The following DPEP3 variants were observed in gnomAD, a reference collection of about 807,000 sequenced individuals.
DPEP3 encodes the protein dipeptidase 3.
A neutral mutation model predicts 47.5 loss-of-function variants in DPEP3; 42 were observed. The observed-to-expected ratio is 0.88, with a 90% CI of 0.69 to 1.14. The LOEUF (loss-of-function observed/expected upper bound fraction) is 1.14, where lower values mean the gene tolerates loss of function less well. Among genes scored for constraint, DPEP3 ranks in the 50% most tolerant of loss-of-function variants. The probability of loss-of-function intolerance (pLI) is 0.00; values close to 1 mark genes in which losing one functional copy is unlikely to be tolerated. For missense variants in DPEP3, 560 were observed against 635.0 expected (o/e 0.88, Z 1.27); for synonymous variants, 276 against 270.2 (o/e 1.02, Z -0.21).
chr16:67,977,272 G>A lies in DPEP3; in HGVS notation c.1016C>T (p.Ala339Val). 1.2e-6 allele frequency: 2 copies of A among 1,613,672 alleles called. No individual in the cohort carries two copies. Among genetic ancestry groups the A allele is most frequent in the Non-Finnish European group, 1.7e-6 (2 of 1,179,778 alleles). The stretch of plus-strand genomic sequence containing the variant: ...CACAAAGCTGAGGTGGGACTTACCT[G>A]CCACAGTGGACACGTTAGCAAGCAG... The part of the protein sequence containing the change: ...CNLLANVSTV[A>V]DHFDHIRAVI... The change falls in exon 7 of 10, where the codon GCA becomes GTA. Residue 339 changes from alanine (A) to valine (V), a missense_variant and splice_region_variant. Ala to Val is a moderately conservative substitution (Grantham distance 64). Coordinates refer to ENST00000268793, the MANE Select transcript of DPEP3 (RefSeq NM_001370198.1).
At position 67,978,375 on chromosome 16, in the gene DPEP3, A is replaced by G; in HGVS notation, c.578T>C (p.Ile193Thr). The G allele has an allele frequency of 1.2e-6, 2 of 1,614,084 alleles. No homozygotes were observed. The highest frequency in any genetic ancestry group is 1.7e-6 in the Non-Finnish European group (2 of 1,179,926). ...LNSSQKLACL[I>T]GVEGGHSLDS... Reference sequence around the variant, plus strand: ...CAGTGAGTGACCACCCTCCACGCCAATGAGGCAGGCCAGCTTTTGAGAGCT... The same window carrying G: ...CAGTGAGTGACCACCCTCCACGCCAGTGAGGCAGGCCAGCTTTTGAGAGCT... The change falls in exon 4 of 10, where the codon ATT (isoleucine) becomes ACT (threonine). Residue 193 changes from isoleucine to threonine, a missense_variant. Physicochemically the swap from Ile to Thr is moderately conservative, Grantham distance 89. Coordinates refer to ENST00000268793, the MANE Select transcript of DPEP3 (RefSeq NM_001370198.1). This position sits in a 1 kb window ranked among gnomAD's most constrained non-coding sequence, Gnocchi z 4.4.
In DPEP3 at chr16:67,980,332, G is replaced by A. The variant is rs1404990841; in HGVS notation, c.49C>T (p.Leu17=). The A allele has an allele frequency of 1.3e-6, 2 of 1,553,450 alleles. No homozygotes were observed. ...AGTAGCAGGAGCAGCAGACGCCGCA[G>A]ATACCGCCGGCTGAGCGCGCGGGAA... ...EGSRALSRRY[L]RRLLLLLLLL... is the part of the protein sequence containing the mutation. Residue 17 remains leucine, a synonymous_variant, in exon 1 of 10, where the codon CTG becomes TTG. Coordinates refer to ENST00000268793, the MANE Select transcript of DPEP3 (RefSeq NM_001370198.1).
At chr16:67,979,533 C>T in intron 2 of DPEP3, 106 bp downstream of exon 2, 1 of 1,512,864 alleles carries the variant, frequency 6.6e-7, no homozygotes, top group South Asian at 1.3e-5. Context: ...TGGCACACTG[C>T]ATGCCCCATT....
rs1240617249 is a variant in DPEP3 at position 67,978,316 on chromosome 16, C to T, written c.637G>A (p.Val213Met). 2 of 1,614,186 alleles carry T rather than the reference C, an allele frequency of 1.2e-6. No homozygotes were observed. The highest frequency in any genetic ancestry group is 2.2e-5 in the South Asian group (2 of 91,086). Residue 213 changes from valine (V) to methionine (M), a missense_variant, in exon 4 of 10, where the codon GTG becomes ATG. Val to Met is a conservative substitution (Grantham distance 21). Transcript: ENST00000268793. The surrounding 1 kb of genome is among the most constrained non-coding windows in gnomAD (Gnocchi z 4.4). ...AGTGTCAGGTAGCGCACCCCCAGCA[C>T]ATAGAAACTGCGCAGCACAGAGAGG... is the stretch of plus-strand genomic sequence containing the variant. ...SSLSVLRSFYVLGVRYLTLTF... is the reference protein window; with the variant it reads ...SSLSVLRSFYMLGVRYLTLTF...
intron 2 of DPEP3, 76 bp downstream of exon 2, chr16:67,979,563 C>A: frequency 6.3e-7 from 1 of 1,588,922 alleles, no homozygotes; most frequent in South Asian, 1.1e-5. Context: ...CACCCAGAGG[C>A]TGGCTGACCC....
chr16:67,979,956 G>T, intron 1 of DPEP3, 138 bp downstream of exon 1: 1 of 1,370,728 alleles, frequency 7.3e-7, no homozygotes, highest in Non-Finnish European at 9.9e-7. Context: ...GGGCACCCAT[G>T]GGTGATGGAG....
At chr16:67,976,951 T>A (rs557279847) in intron 7 of DPEP3, among the ~76,000 whole-genome samples, 176 bp from the exon 8 acceptor site, 22 of 152,254 alleles carry the variant, frequency 1.4e-4, no homozygotes, top group Admixed American at 1.4e-3. Context: ...GAGCCACCCC[T>A]TTGGGACTTT....
Position 67,979,707 on chromosome 16 carries a change from T to G in DPEP3, c.346A>C (p.Asn116His). Residue 116 changes from asparagine to histidine, a missense_variant, in exon 2 of 10, where the codon AAC (asparagine) becomes CAC (histidine). Transcript: ENST00000268793. ...TGACCATGGCTGAAATTTCGCAGGT[T>G]AACATCCTGAAGCACATTCTTGTAA... Reference protein sequence around the residue: ...QRYKNVLQDVNLRNFSHGQTS... With the variant: ...QRYKNVLQDVHLRNFSHGQTS... 2 of 1,614,162 alleles carry G rather than the reference T, an allele frequency of 1.2e-6. No individual in the cohort carries two copies. The highest frequency in any genetic ancestry group is 2.7e-5 in the African/African-American group (2 of 75,060).
At position 67,978,170 on chromosome 16, in the gene DPEP3, G is replaced by A. The variant is rs2031242103; in HGVS notation, c.686+97C>T. ...ACTGGGTGTCCAGCCTCCCTCTGCG[G>A]ACCCCTTCATCCTCAACGGCTTGGT... On this transcript the variant is annotated intron_variant, in intron 4 of 9. Transcript: ENST00000268793. The surrounding 1 kb of genome is among the most constrained non-coding windows in gnomAD (Gnocchi z 4.4). 2 of 1,597,096 alleles carry A rather than the reference G, an allele frequency of 1.3e-6. No homozygotes were observed. The highest frequency in any genetic ancestry group is 2.2e-5 in the South Asian group (2 of 89,938).
chr16:67,976,311 C>T, intron 8 of DPEP3, 83 bp from the exon 9 acceptor site: 1 of 1,561,554 alleles, frequency 6.4e-7, no homozygotes, highest in Non-Finnish European at 8.7e-7. Context: ...CCTAGTCACA[C>T]AGGGGAAACT....
Position 67,978,698 on chromosome 16 carries a change from T to A in DPEP3, c.415-72A>T, listed in dbSNP as rs1003013044. ...ACCCCCTAGGCCTGCCACTCCTGCCTCAGACCCCATAACACCCATTTGGGT... is the reference window on the plus strand; with the variant it reads ...ACCCCCTAGGCCTGCCACTCCTGCCACAGACCCCATAACACCCATTTGGGT... On this transcript the variant is annotated intron_variant, in intron 2 of 9. Coordinates refer to ENST00000268793, the MANE Select transcript of DPEP3 (RefSeq NM_001370198.1). The surrounding 1 kb of genome is among the most constrained non-coding windows in gnomAD (Gnocchi z 4.4). 6.9e-6 allele frequency: 11 copies of A among 1,583,656 alleles called. No homozygotes were observed. The highest frequency in any genetic ancestry group is 7.7e-6 in the Non-Finnish European group (9 of 1,162,662).
Position 67,980,129 on chromosome 16 carries a change from C to T in DPEP3, c.252G>A (p.Ala84=). The T allele has an allele frequency of 6.2e-7, 1 of 1,612,522 alleles. No homozygotes were observed. The highest frequency in any genetic ancestry group is 8.5e-7 in the Non-Finnish European group (1 of 1,179,352). The change falls in exon 1 of 10, where the codon GCG becomes GCA. Residue 84 remains alanine (A), a synonymous_variant. Transcript: ENST00000268793. ...GTGGGAAACTCCGCATCAGGGCCTG[C>T]GCGCGACCCCGAAGGTCCAGGGTTT... The part of the protein sequence containing the change: ...TPKTLDLRGR[A]QALMRSFPLV...
rs191732728 is a variant in DPEP3, at chr16:67,978,879, C to A, written c.415-253G>T. On this transcript the variant is annotated intron_variant, in intron 2 of 9. Coordinates refer to ENST00000268793, the MANE Select transcript of DPEP3 (RefSeq NM_001370198.1). The surrounding 1 kb of genome is among the most constrained non-coding windows in gnomAD (Gnocchi z 4.4). ...TGATCATGGCTCACTGCAGCCTTGA[C>A]CCCCCAGGCTCAAACAATCCTCCTG... Among the ~76,000 whole-genome samples the A allele has an allele frequency of 6.6e-6, 1 of 151,998 alleles. No homozygotes were observed. The highest frequency in any genetic ancestry group is 6.6e-5 in the Admixed American group (1 of 15,248).
chr16:67,977,233 C>T (rs1460122847), intron 7 of DPEP3, 37 bp downstream of exon 7: 1 of 1,601,722 alleles, frequency 6.2e-7, no homozygotes, highest in Admixed American at 1.7e-5. Context: ...CAGCCACAGC[C>T]CAAGCCAGCA....
In DPEP3 at chr16:67,978,109, G is replaced by T; in HGVS notation, c.687-102C>A. The stretch of plus-strand genomic sequence containing the variant: ...CATCCATCCTGCTTCCAGAACAGGT[G>T]CAGAACCAGCTGCTTTCTGGGATTG... On this transcript the variant is annotated intron_variant, in intron 4 of 9. Coordinates refer to ENST00000268793, the MANE Select transcript of DPEP3 (RefSeq NM_001370198.1). This position sits in a 1 kb window ranked among gnomAD's most constrained non-coding sequence, Gnocchi z 4.4. 1 of 1,570,494 alleles carries T rather than the reference G, an allele frequency of 6.4e-7. No individual in the cohort carries two copies. Among genetic ancestry groups the T allele is most frequent in the Non-Finnish European group, 8.7e-7 (1 of 1,143,964 alleles).
At chr16:67,977,058 G>A (rs887331732) in intron 7 of DPEP3, among the ~76,000 whole-genome samples, 2 of 152,216 alleles carry the variant, frequency 1.3e-5, no homozygotes, top group African/African-American at 4.8e-5. Flanking sequence ...AGAAGTTCAA[G>A]GATTGGGAGC....
Position 67,978,383 on chromosome 16 carries a change from G to A in DPEP3, c.570C>T (p.Ala190=). 1.2e-6 allele frequency: 2 copies of A among 1,614,068 alleles called. No homozygotes were observed. Among genetic ancestry groups the A allele is most frequent in the Non-Finnish European group, 1.7e-6 (2 of 1,179,916 alleles). Residue 190 remains alanine, a synonymous_variant, in exon 4 of 10, where the codon GCC becomes GCT. Transcript: ENST00000268793. The surrounding 1 kb of genome is among the most constrained non-coding windows in gnomAD (Gnocchi z 4.4). ...AEGLNSSQKL[A]CLIGVEGGHS... ...GACCACCCTCCACGCCAATGAGGCA[G>A]GCCAGCTTTTGAGAGCTGTTCAGAC...
At position 67,978,376 on chromosome 16, in the gene DPEP3, T is replaced by G. The variant is rs755916313; in HGVS notation, c.577A>C (p.Ile193Leu). ...AGTGAGTGACCACCCTCCACGCCAA[T>G]GAGGCAGGCCAGCTTTTGAGAGCTG... Reference protein sequence around the residue: ...LNSSQKLACLIGVEGGHSLDS... With the variant: ...LNSSQKLACLLGVEGGHSLDS... The change falls in exon 4 of 10, where the codon ATT becomes CTT. Residue 193 changes from isoleucine (I) to leucine (L), a missense_variant. Coordinates refer to ENST00000268793, the MANE Select transcript of DPEP3 (RefSeq NM_001370198.1). The surrounding 1 kb of genome is among the most constrained non-coding windows in gnomAD (Gnocchi z 4.4). 4.3e-6 allele frequency: 7 copies of G among 1,614,008 alleles called. No individual in the cohort carries two copies. The highest frequency in any genetic ancestry group is 5.9e-6 in the Non-Finnish European group (7 of 1,179,902).
intron 6 of DPEP3, 108 bp from the exon 7 acceptor site, chr16:67,977,462 G>A: frequency 1.5e-6 from 2 of 1,316,908 alleles, no homozygotes; most frequent in East Asian, 2.5e-5. Flanking sequence ...TCAGGGGTTG[G>A]AAGAGGCTTC....
Sources: gnomAD v4.1 joint callset for allele counts (sites outside exome capture counted in the v4.1 genomes callset) on GRCh38, gnomAD v4.1.1 for gene constraint, Gnocchi (gnomAD v3.1) non-coding constraint, MANE v1.5 for transcripts, NCBI Gene and HGNC (gene_info 2026-07-23, HGNC 2026-07-21) for gene names.